ZNF143: variants seen among roughly 807,000 people sequenced by gnomAD.
ZNF143 encodes the protein zinc finger protein 143.
ZNF143 carries 49 observed loss-of-function variants against 74.1 expected under a neutral mutation model. That is an observed-to-expected ratio of 0.66 (90% CI 0.53 to 0.84). The LOEUF (loss-of-function observed/expected upper bound fraction) is 0.84. Among genes scored for constraint, ZNF143 ranks in the 40% least tolerant of loss-of-function variants. The pLI is 0.00. For missense variants in ZNF143, 637 were observed against 793.4 expected (o/e 0.80, Z 2.37); for synonymous variants, 304 against 282.8 (o/e 1.07, Z -0.75).
intron 1 of ZNF143, among the ~76,000 whole-genome samples, chr11:9,466,912 GAC>G (rs1856262602): frequency 1.3e-5 from 2 of 148,994 alleles, no homozygotes; most frequent in East Asian, 3.9e-4. Flanking sequence ...GTGTTTTTTT[GAC>G]ACAGAGTCTC....
intron 1 of ZNF143, among the ~76,000 whole-genome samples, chr11:9,467,024 G>C (rs1265872696): frequency 1.3e-5 from 2 of 150,554 alleles, no homozygotes; most frequent in Non-Finnish European, 3.0e-5. Context: ...CTCCGGAGTA[G>C]CTGGGACTAC....
rs748999555 is a variant in ZNF143, at chr11:9,494,710, T to C, written c.710T>C (p.Phe237Ser). 1 of 1,613,740 alleles carries C rather than the reference T, an allele frequency of 6.2e-7. No homozygotes were observed. The highest frequency in any genetic ancestry group is 1.1e-5 in the South Asian group (1 of 91,072). ...AKSQQSGEKA[F>S]RCEYDGCGKL... is the part of the protein sequence containing the mutation. ...TCTCAACAGAGTGGAGAGAAGGCAT[T>C]TCGATGTGAATATGATGGATGTGGA... The change falls in exon 8 of 16, where the codon TTT (phenylalanine) becomes TCT (serine). Residue 237 changes from phenylalanine (F) to serine (S), a missense_variant. Phe to Ser is a radical substitution (Grantham distance 155). Coordinates refer to ENST00000396602, the MANE Select transcript of ZNF143 (RefSeq NM_003442.6).
At position 9,504,559 on chromosome 11, in the gene ZNF143, G is replaced by A. The variant is rs141084974; in HGVS notation, c.1147+3289G>A. 9.0e-4 allele frequency among the ~76,000 whole-genome samples: 114 copies of A among 126,110 alleles called. 31 individuals are homozygous for A. The highest frequency in any genetic ancestry group is 1.6e-3 in the Non-Finnish European group (83 of 53,322). The allele number at this position is 126,110 out of a possible 152,430, so 82.7% of individuals were successfully genotyped here. A position where few individuals can be genotyped will look rare whatever the true frequency, so the allele number is the denominator to read the frequency against. On this transcript the variant is annotated intron_variant, in intron 11 of 15. Coordinates refer to ENST00000396602, the MANE Select transcript of ZNF143 (RefSeq NM_003442.6). ...TGAGAATGGAAAGGCAAATGTGAGCGTAAGGCAGGATATGCATTAGTTTTA... is the reference window on the plus strand; with the variant it reads ...TGAGAATGGAAAGGCAAATGTGAGCATAAGGCAGGATATGCATTAGTTTTA...
chr11:9,475,525 C>T (rs1484729093), intron 5 of ZNF143, among the ~76,000 whole-genome samples: 1 of 152,206 alleles, frequency 6.6e-6, no homozygotes, highest in Non-Finnish European at 1.5e-5. Flanking sequence ...AAGCAGTCCT[C>T]CTGCTCCGAC....
chr11:9,515,611 G>A (rs1030162739), intron 13 of ZNF143, among the ~76,000 whole-genome samples: 4 of 148,518 alleles, frequency 2.7e-5, no homozygotes, highest in Admixed American at 1.4e-4. Context: ...CAGAGATTGC[G>A]CCACTGCACT....
intron 7 of ZNF143, among the ~76,000 whole-genome samples, chr11:9,493,287 G>T (rs2134036875): frequency 6.6e-6 from 1 of 151,950 alleles, no homozygotes; most frequent in Admixed American, 6.6e-5. Flanking sequence ...AGCCAGGATG[G>T]TCTCGATCTC....
chr11:9,475,910 A>ATGTGTGTGTGTGTGTG (rs61636956), intron 5 of ZNF143, among the ~76,000 whole-genome samples: 32 of 137,372 alleles, frequency 2.3e-4, no homozygotes, highest in East Asian at 8.6e-4. Flanking sequence ...AAAAATATAT[A>ATGTGTGTGTGTGTGTG]TGTGTGTGTG....
chr11:9,472,099 T>C (rs1404734326), intron 2 of ZNF143, among the ~76,000 whole-genome samples: 3 of 151,092 alleles, frequency 2.0e-5, no homozygotes, highest in Non-Finnish European at 4.4e-5. Context: ...CAGCTAATTA[T>C]TTTATTTTTA....
chr11:9,479,744 A>G (rs1440629904), intron 7 of ZNF143, among the ~76,000 whole-genome samples, 198 bp downstream of exon 7: 4 of 152,144 alleles, frequency 2.6e-5, no homozygotes, highest in Non-Finnish European at 5.9e-5. Context: ...AATGATGCTA[A>G]AGAAATGGAA....
At position 9,471,359 on chromosome 11, in the gene ZNF143, T is replaced by C; in HGVS notation, c.51T>C (p.Pro17=). 1.2e-6 allele frequency: 2 copies of C among 1,612,694 alleles called. No homozygotes were observed. The highest frequency in any genetic ancestry group is 1.7e-4 in the Middle Eastern group (1 of 6,058). Residue 17 remains proline (P), a synonymous_variant, in exon 2 of 16, where the codon CCT becomes CCC. Transcript: ENST00000396602. ...NRDSQGMTEF[P]GGGMEAQHVT... is the part of the protein sequence containing the mutation. ...ATTCTCAGGGAATGACAGAGTTTCC[T>C]GGAGGAGGGATGGAGGCGCAACATG... is the stretch of plus-strand genomic sequence containing the variant.
intron 10 of ZNF143, among the ~76,000 whole-genome samples, chr11:9,499,143 T>C (rs1848068754): frequency 6.6e-6 from 1 of 152,216 alleles, no homozygotes. Context: ...AAACCACATG[T>C]TCATATAACA....
intron 5 of ZNF143, among the ~76,000 whole-genome samples, chr11:9,475,897 C>A (rs1856848418): frequency 7.0e-6 from 1 of 142,820 alleles, no homozygotes; most frequent in African/African-American, 2.7e-5. Context: ...GACCCTGTCT[C>A]AAAAAAATAT....
At chr11:9,465,450 C>T (rs1377966480) in intron 1 of ZNF143, among the ~76,000 whole-genome samples, 1 of 151,756 alleles carries the variant, frequency 6.6e-6, no homozygotes, top group African/African-American at 2.4e-5. Context: ...TCCCAGAGTG[C>T]TGGGATTACA....
chr11:9,494,576 G>A, intron 7 of ZNF143, 70 bp from the exon 8 acceptor site: 1 of 1,512,978 alleles, frequency 6.6e-7, no homozygotes, highest in Non-Finnish European at 9.0e-7. Context: ...CTCCCCATGT[G>A]CTAAGATTAC....
intron 11 of ZNF143, among the ~76,000 whole-genome samples, chr11:9,506,222 C>T (rs865992409): frequency 1.8e-4 from 27 of 152,308 alleles, no homozygotes; most frequent in Middle Eastern, 3.4e-3. Flanking sequence ...ATCCCAGCTA[C>T]TCAGGAGGCT....
intron 1 of ZNF143, among the ~76,000 whole-genome samples, chr11:9,469,693 G>T (rs767836660): frequency 4.6e-5 from 7 of 151,786 alleles, no homozygotes; most frequent in Non-Finnish European, 8.8e-5. Context: ...TTAAATGTGC[G>T]TGCCACCACA....
chr11:9,482,589 T>C (rs931016927), intron 7 of ZNF143, among the ~76,000 whole-genome samples: 1 of 151,526 alleles, frequency 6.6e-6, no homozygotes, highest in African/African-American at 2.4e-5. Flanking sequence ...CATTACTCTT[T>C]ATCTGTAGAC....
At chr11:9,492,571 C>T (rs1255190300) in intron 7 of ZNF143, among the ~76,000 whole-genome samples, 3 of 152,138 alleles carry the variant, frequency 2.0e-5, no homozygotes, top group African/African-American at 7.2e-5. Flanking sequence ...TAAATTTACC[C>T]ATTTAGAGTG....
At chr11:9,487,950 G>T (rs888839602) in intron 7 of ZNF143, among the ~76,000 whole-genome samples, 1 of 152,050 alleles carries the variant, frequency 6.6e-6, no homozygotes, top group Non-Finnish European at 1.5e-5. Context: ...ATCAGCTATT[G>T]CTTTCTATTC....
Sources: allele counts gnomAD v4.1 joint callset (sites outside exome capture counted in the v4.1 genomes callset), GRCh38; gene constraint gnomAD v4.1.1; transcripts MANE v1.5; gene names NCBI Gene and HGNC (gene_info 2026-07-23, HGNC 2026-07-21).